Variants in SPAG17 observed in about 807,000 individuals in gnomAD.
The protein encoded by SPAG17 is sperm-associated antigen 17.
In SPAG17, 169 loss-of-function variants were observed where a neutral mutation model predicts 273.6. The observed-to-expected ratio is 0.62, with a 90% CI of 0.55 to 0.70. The LOEUF is 0.70. SPAG17 is among the 30% of genes least tolerant of loss of function. The pLI, the probability that SPAG17 is intolerant of heterozygous loss-of-function variation, is 0.00. For missense variants in SPAG17, 2,557 were observed against 2,627.8 expected (o/e 0.97, Z 0.59); for synonymous variants, 825 against 873.2 (o/e 0.94, Z 0.97).
intron 1 of SPAG17, among the ~76,000 whole-genome samples, chr1:118,165,424 C>G (rs1340191992): frequency 6.6e-6 from 1 of 152,016 alleles, no homozygotes; most frequent in Non-Finnish European, 1.5e-5. Flanking sequence ...CCTTGATTTC[C>G]TTGGCATGAG....
At chr1:117,988,422 T>G (rs1012767273) in intron 38 of SPAG17, among the ~76,000 whole-genome samples, 5 of 152,226 alleles carry the variant, frequency 3.3e-5, no homozygotes, top group African/African-American at 1.2e-4. Flanking sequence ...AGTCAAAATG[T>G]AAAATGCAGT....
At chr1:118,179,952 G>T (rs1660866248) in intron 1 of SPAG17, among the ~76,000 whole-genome samples, 1 of 151,974 alleles carries the variant, frequency 6.6e-6, no homozygotes, top group African/African-American at 2.4e-5. Flanking sequence ...ATGAGTGTTG[G>T]CAGGGATGTG....
At chr1:117,993,325 T>C (rs901646817) in intron 35 of SPAG17, among the ~76,000 whole-genome samples, 3 of 152,214 alleles carry the variant, frequency 2.0e-5, no homozygotes, top group African/African-American at 4.8e-5. Flanking sequence ...CTACCAGATG[T>C]AGAAGGTCAG....
chr1:117,989,014 C>G (rs1164616062), intron 38 of SPAG17, among the ~76,000 whole-genome samples: 3 of 152,046 alleles, frequency 2.0e-5, no homozygotes, highest in Non-Finnish European at 4.4e-5. Context: ...TTTGGAAAAC[C>G]TATGTGTTTT....
chr1:117,959,209 T>G, intron 48 of SPAG17: 1 of 1,503,522 alleles, frequency 6.7e-7, no homozygotes. Flanking sequence ...CACCTGAAGC[T>G]TTGGTTACCC....
At chr1:118,145,040 G>A (rs1658894483) in intron 3 of SPAG17, among the ~76,000 whole-genome samples, 1 of 152,084 alleles carries the variant, frequency 6.6e-6, no homozygotes, top group African/African-American at 2.4e-5. Context: ...GTTTTAAAGC[G>A]CGGGATTGAA....
rs569190608 is a variant in SPAG17, at chr1:118,170,990, G to A, written c.87+14081C>T. Among the ~76,000 whole-genome samples the A allele has an allele frequency of 7.2e-5, 11 of 152,238 alleles. No homozygotes were observed. In the East Asian group the frequency reaches 7.7e-4, roughly 11 times the overall value. ...TGGGAATTAACATGGTGTGTGCAGC[G>A]TTTAGGAAAGATAAATGGTTTGAGA... is the stretch of plus-strand genomic sequence containing the variant. On this transcript the variant is annotated intron_variant, in intron 1 of 48. Coordinates refer to ENST00000336338, the MANE Select transcript of SPAG17 (RefSeq NM_206996.4).
At chr1:118,159,519 C>A (rs1659809093) in intron 1 of SPAG17, among the ~76,000 whole-genome samples, 1 of 152,060 alleles carries the variant, frequency 6.6e-6, no homozygotes, top group Non-Finnish European at 1.5e-5. Flanking sequence ...TTGTTGAGTA[C>A]CACATAAATG....
At position 117,957,157 on chromosome 1, in the gene SPAG17, A is replaced by T. The variant is rs1316389221; in HGVS notation, c.*1-3108T>A. On this transcript the variant is annotated intron_variant, in intron 48 of 48. Transcript: ENST00000336338. ...AACGAATTCATTCAGCTGGGCTCTG[A>T]TGTTGAACTTATATGCCGGTGCCTC... The T allele has an allele frequency of 5.6e-6, 9 of 1,612,426 alleles. No homozygotes were observed. The highest frequency in any genetic ancestry group is 7.6e-6 in the Non-Finnish European group (9 of 1,179,490).
intron 10 of SPAG17, among the ~76,000 whole-genome samples, chr1:118,090,302 C>T (rs748476296): frequency 6.6e-6 from 1 of 152,062 alleles, no homozygotes; most frequent in Non-Finnish European, 1.5e-5. Flanking sequence ...ACACAGGAAG[C>T]CTCAGGAAAT....
Position 117,969,150 on chromosome 1 carries a change from T to C in SPAG17, c.6387+906A>G, listed in dbSNP as rs569194533. 2.6e-5 allele frequency among the ~76,000 whole-genome samples: 4 copies of C among 151,784 alleles called. No homozygotes were observed. The East Asian group carries it at 5.8e-4, about 22-fold the overall frequency. On this transcript the variant is annotated intron_variant, in intron 46 of 48. Coordinates refer to ENST00000336338, the MANE Select transcript of SPAG17 (RefSeq NM_206996.4). The stretch of plus-strand genomic sequence containing the variant: ...GAAATTATAATTTAAAGTGAGAATA[T>C]GCTATTAATATGCATTTTTTTTTAC...
At chr1:117,973,250 A>G (rs1654764323) in intron 44 of SPAG17, among the ~76,000 whole-genome samples, 175 bp downstream of exon 44, 1 of 152,236 alleles carries the variant, frequency 6.6e-6, no homozygotes, top group South Asian at 2.1e-4. Flanking sequence ...AAAGAGCTTC[A>G]TGGTGAGATG....
intron 3 of SPAG17, among the ~76,000 whole-genome samples, chr1:118,143,735 C>T (rs1389170138): frequency 6.6e-6 from 1 of 152,178 alleles, no homozygotes; most frequent in African/African-American, 2.4e-5. Flanking sequence ...AGCACCCCTC[C>T]AATCCTGGTG....
chr1:118,117,025 G>A (rs1441888334), intron 3 of SPAG17, among the ~76,000 whole-genome samples: 2 of 152,204 alleles, frequency 1.3e-5, no homozygotes, highest in African/African-American at 4.8e-5. Flanking sequence ...GGCGTTTACT[G>A]TAAAGTGAAA....
intron 3 of SPAG17, among the ~76,000 whole-genome samples, chr1:118,137,097 T>C (rs976939269): frequency 6.6e-6 from 1 of 152,174 alleles, no homozygotes; most frequent in African/African-American, 2.4e-5. Context: ...CTCAATGATA[T>C]TCCTAAAATG....
At chr1:118,099,876 A>G (rs1374152724) in intron 5 of SPAG17, 76 bp from the exon 6 acceptor site, 37 of 1,220,938 alleles carry the variant, frequency 3.0e-5, no homozygotes, top group South Asian at 2.6e-4. Flanking sequence ...TTCAATGGCT[A>G]TATACATTAT....
At chr1:118,122,279 G>GA (rs201337660) in intron 3 of SPAG17, among the ~76,000 whole-genome samples, 1,719 of 152,210 alleles carry the variant, frequency 0.011, 31 homozygotes, top group African/African-American at 0.04. Flanking sequence ...GCAAATGATT[G>GA]AAAAGGGCCA....
Position 118,057,156 on chromosome 1 carries a change from A to G in SPAG17, c.2541-1242T>C, listed in dbSNP as rs566735661. Among the ~76,000 whole-genome samples, 5 of 152,024 alleles carry G rather than the reference A, an allele frequency of 3.3e-5. No homozygotes were observed. The South Asian group carries it at 1.0e-3, about 32-fold the overall frequency. On this transcript the variant is annotated intron_variant, in intron 18 of 48. Transcript: ENST00000336338. ...CATGCCCGGCTTCTTATTTTCTTAT[A>G]TTCTTCCAATCTGTCAGGAAATCTA...
Position 118,028,352 on chromosome 1 carries a change from C to T in SPAG17, c.3652G>A (p.Asp1218Asn), listed in dbSNP as rs1267357154. ...EPEPVLQETL[D>N]VPTFQSLNVS... ...TTTAGGCTCTGGAAGGTGGGAACAT[C>T]CAAAGTCTCTTGTAAAACAGGTTCT... The change falls in exon 26 of 49, where the codon GAT (aspartate) becomes AAT (asparagine). Residue 1218 changes from aspartate (D) to asparagine (N), a missense_variant. By Grantham distance (23) the Asp-to-Asn change is conservative. Transcript: ENST00000336338. 3.7e-6 allele frequency: 6 copies of T among 1,613,744 alleles called. No homozygotes were observed. In the African/African-American group the frequency reaches 5.3e-5, roughly 14 times the overall value.
Sources: allele counts gnomAD v4.1 joint callset (sites outside exome capture counted in the v4.1 genomes callset), GRCh38; gene constraint gnomAD v4.1.1; transcripts MANE v1.5; gene names NCBI Gene and HGNC (gene_info 2026-07-23, HGNC 2026-07-21).